CYYR1: variants seen among roughly 807,000 people sequenced by gnomAD.
The protein encoded by CYYR1 is cysteine and tyrosine rich 1.
In CYYR1, 14 loss-of-function variants were observed where a neutral mutation model predicts 15.2. The ratio of observed to expected loss-of-function variants is 0.92; its 90% confidence interval spans 0.61 to 1.44. The LOEUF (loss-of-function observed/expected upper bound fraction) is 1.44. CYYR1 is among the 40% of genes most tolerant of loss of function. CYYR1 has a pLI of 0.00. For synonymous variants in CYYR1, 80 were observed against 77.4 expected, an observed-to-expected ratio of 1.03 and a Z score of -0.18; for missense variants, 228 against 209.5, an observed-to-expected ratio of 1.09 and a Z score of -0.54.
intron 2 of CYYR1, among the ~76,000 whole-genome samples, chr21:26,505,806 A>T (rs1458047060): frequency 2.7e-5 from 2 of 73,060 alleles, no homozygotes; most frequent in African/African-American, 5.3e-5. Context: ...ACATATTTTA[A>T]AAAAAAAGGT....
chr21:26,573,044 C>G lies in CYYR1; in HGVS notation c.-104G>C, dbSNP rs1039406706. The stretch of plus-strand genomic sequence containing the variant: ...TGGAGAGAGCAGCGCTCCTGAGAGC[C>G]GGGTGGAGCAGAGACCCGGCCATTG... On this transcript the variant is annotated 5_prime_UTR_variant, in exon 1 of 4. Transcript: ENST00000652641. The G allele has an allele frequency of 6.3e-7, 1 of 1,578,546 alleles. No homozygotes were observed. Among genetic ancestry groups the G allele is most frequent in the Non-Finnish European group, 8.6e-7 (1 of 1,162,318 alleles).
At chr21:26,519,785 G>A (rs1401837741) in intron 2 of CYYR1, among the ~76,000 whole-genome samples, 1 of 152,046 alleles carries the variant, frequency 6.6e-6, no homozygotes, top group Admixed American at 6.5e-5. Context: ...CTGTTGGTGG[G>A]GATGTAAATT....
At chr21:26,505,441 C>G (rs1252957326) in intron 2 of CYYR1, among the ~76,000 whole-genome samples, 1 of 152,170 alleles carries the variant, frequency 6.6e-6, no homozygotes, top group Non-Finnish European at 1.5e-5. Context: ...CAAATTTCTG[C>G]CACATTTCAC....
At chr21:26,539,457 T>C (rs890173882) in intron 2 of CYYR1, among the ~76,000 whole-genome samples, 1 of 152,182 alleles carries the variant, frequency 6.6e-6, no homozygotes, top group African/African-American at 2.4e-5. Flanking sequence ...AATCCAAAAA[T>C]AGGCCCTAGG....
chr21:26,532,775 G>A (rs2065948263), intron 2 of CYYR1, among the ~76,000 whole-genome samples: 1 of 152,168 alleles, frequency 6.6e-6, no homozygotes, highest in African/African-American at 2.4e-5. Flanking sequence ...TAAATTCAGA[G>A]TCAGAAATGA....
At chr21:26,539,528 G>T (rs1259301991) in intron 2 of CYYR1, among the ~76,000 whole-genome samples, 1 of 152,200 alleles carries the variant, frequency 6.6e-6, no homozygotes, top group Non-Finnish European at 1.5e-5. Context: ...CTATTTTAAA[G>T]ATATTTAATC....
intron 2 of CYYR1, among the ~76,000 whole-genome samples, chr21:26,502,365 A>G (rs2065493143): frequency 6.7e-6 from 1 of 149,400 alleles, no homozygotes; most frequent in African/African-American, 2.5e-5. Flanking sequence ...TTGCTTGATT[A>G]GGAGGACACT....
chr21:26,544,513 A>G (rs1978809325), intron 2 of CYYR1, among the ~76,000 whole-genome samples: 1 of 152,172 alleles, frequency 6.6e-6, no homozygotes, highest in African/African-American at 2.4e-5. Context: ...TTATTAGCTA[A>G]ATGTCTACCA....
intron 2 of CYYR1, among the ~76,000 whole-genome samples, chr21:26,535,371 C>T (rs1446329762): frequency 1.3e-5 from 2 of 152,046 alleles, no homozygotes; most frequent in African/African-American, 4.8e-5. Context: ...ACTGGATAAA[C>T]GAGTAGGCCG....
intron 3 of CYYR1, among the ~76,000 whole-genome samples, chr21:26,478,438 G>A (rs1340939967): frequency 1.3e-5 from 2 of 152,120 alleles, no homozygotes; most frequent in African/African-American, 4.8e-5. Context: ...AATGTGACTG[G>A]AGACAGAGTG....
intron 2 of CYYR1, among the ~76,000 whole-genome samples, chr21:26,556,847 G>T (rs1277780824): frequency 1.3e-5 from 2 of 152,150 alleles, no homozygotes; most frequent in Admixed American, 6.6e-5. Context: ...ATAGAGAAGG[G>T]ATAATGCTAC....
At chr21:26,522,382 A>T (rs1326794993) in intron 2 of CYYR1, among the ~76,000 whole-genome samples, 2 of 152,152 alleles carry the variant, frequency 1.3e-5, no homozygotes, top group African/African-American at 4.8e-5. Context: ...CCCCTCAAAA[A>T]TTTTTTAAAA....
Position 26,479,668 on chromosome 21 carries a change from AT to A in CYYR1, c.334+603del, listed in dbSNP as rs543581975. 3.7e-3 allele frequency among the ~76,000 whole-genome samples: 554 copies of A among 151,224 alleles called. 7 individuals carry two copies. The highest frequency in any genetic ancestry group is 0.012 in the African/African-American group (486 of 41,242). ...TATATTGCCCTTGCTCTTTGTTGAAATTTTTTTTTTCTTTTGTATTTTTAGT... is the reference window on the plus strand; with the variant it reads ...TATATTGCCCTTGCTCTTTGTTGAAATTTTTTTTTCTTTTGTATTTTTAGT... On this transcript the variant is annotated intron_variant, in intron 3 of 3. Transcript: ENST00000652641.
At chr21:26,525,104 T>C (rs532688891) in intron 2 of CYYR1, among the ~76,000 whole-genome samples, 12 of 152,318 alleles carry the variant, frequency 7.9e-5, no homozygotes, top group African/African-American at 2.9e-4. Flanking sequence ...TCTAATTCTA[T>C]GCAATTAAAA....
At chr21:26,489,298 G>C (rs747362038) in intron 2 of CYYR1, among the ~76,000 whole-genome samples, 2 of 151,952 alleles carry the variant, frequency 1.3e-5, no homozygotes, top group Non-Finnish European at 2.9e-5. Context: ...TAGATTGTAG[G>C]GTGATCTACA....
At chr21:26,560,204 A>C (rs1980104185) in intron 2 of CYYR1, among the ~76,000 whole-genome samples, 1 of 152,168 alleles carries the variant, frequency 6.6e-6, no homozygotes, top group Non-Finnish European at 1.5e-5. Flanking sequence ...AGTTTTAAAT[A>C]TTGTATTTTA....
intron 2 of CYYR1, among the ~76,000 whole-genome samples, chr21:26,500,120 G>T (rs939608943): frequency 1.3e-5 from 2 of 152,088 alleles, no homozygotes; most frequent in Non-Finnish European, 2.9e-5. Context: ...GCAGAGAGAA[G>T]AACCTTTGGT....
At chr21:26,482,476 T>C (rs1486108062) in intron 2 of CYYR1, 5 of 985,176 alleles carry the variant, frequency 5.1e-6, no homozygotes, top group Non-Finnish European at 6.0e-6. Context: ...AACCTGGAAC[T>C]GTTCCCCTTG....
intron 2 of CYYR1, among the ~76,000 whole-genome samples, chr21:26,510,027 A>G (rs2065624908): frequency 6.6e-6 from 1 of 152,174 alleles, no homozygotes; most frequent in African/African-American, 2.4e-5. Flanking sequence ...TGGATGTAAG[A>G]TCTCATTGAA....
Sources: allele counts gnomAD v4.1 joint callset (sites outside exome capture counted in the v4.1 genomes callset), GRCh38; gene constraint gnomAD v4.1.1; transcripts MANE v1.5; gene names NCBI Gene and HGNC (gene_info 2026-07-23, HGNC 2026-07-21).